USF2: variants seen among roughly 807,000 people sequenced by gnomAD.
USF2 encodes the protein upstream stimulatory factor 2.
In USF2, 16 loss-of-function variants were observed where a neutral mutation model predicts 46.9. The observed-to-expected ratio is 0.34, with a 90% confidence interval of 0.23 to 0.52. The LOEUF (loss-of-function observed/expected upper bound fraction) is 0.52, where lower values mean the gene tolerates loss of function less well. Ranked by LOEUF, USF2 falls within the 20% of genes least tolerant of loss-of-function variation. The pLI is 0.96. For synonymous variants in USF2, 239 were observed against 194.1 expected (o/e 1.23, Z -1.92); for missense variants, 411 against 474.0 (o/e 0.87, Z 1.23).
Position 35,269,101 on chromosome 19 carries a change from C to A in USF2, c.-1C>A, listed in dbSNP as rs1294399943. On this transcript the variant is annotated 5_prime_UTR_variant, in exon 1 of 10. Coordinates refer to ENST00000222305, the MANE Select transcript of USF2 (RefSeq NM_003367.4). ...GCGCCCCCCCCGCCCCCGCCCCCCC[C>A]ATGGACATGCTGGACCCGGGTCTGG... The A allele has an allele frequency of 2.6e-5, 4 of 153,820 alleles. No homozygotes were observed. Among genetic ancestry groups the A allele is most frequent in the Non-Finnish European group, 5.1e-5 (4 of 78,486 alleles). The allele number at this position is 153,820 out of a possible 1,614,324, so 9.5% of individuals were successfully genotyped here. A position where few individuals can be genotyped will look rare whatever the true frequency, so the allele number is the denominator to read the frequency against.
chr19:35,270,090 C>A, intron 4 of USF2, 87 bp downstream of exon 4: 1 of 1,308,118 alleles, frequency 7.6e-7, no homozygotes, highest in Non-Finnish European at 9.8e-7. Context: ...GGGGGTGGGG[C>A]AGGTGTCGCC....
chr19:35,272,181 C>T (rs1286840010), intron 7 of USF2, among the ~76,000 whole-genome samples: 2 of 152,122 alleles, frequency 1.3e-5, no homozygotes, highest in African/African-American at 4.8e-5. Flanking sequence ...CTTTTGCGTC[C>T]TCAGATATGG....
rs532614236 is a variant in USF2, at chr19:35,279,480, G to C, written c.*224G>C. ...CTCCCTGCCCATCCGTCTGTCTGTCGCCCTTCTCCCGGCCCTCACTAAGCC... is the reference window on the plus strand; with the variant it reads ...CTCCCTGCCCATCCGTCTGTCTGTCCCCCTTCTCCCGGCCCTCACTAAGCC... On this transcript the variant is annotated 3_prime_UTR_variant, in exon 10 of 10. Transcript: ENST00000222305. 1 of 531,208 alleles carries C rather than the reference G, an allele frequency of 1.9e-6. No homozygotes were observed. The highest frequency in any genetic ancestry group is 2.0e-5 in the African/African-American group (1 of 50,180). The allele number at this position is 531,208 out of a possible 1,614,324, so 32.9% of individuals were successfully genotyped here. A position where few individuals can be genotyped will look rare whatever the true frequency, so the allele number is the denominator to read the frequency against.
chr19:35,274,002 A>G (rs1225741590), intron 7 of USF2, among the ~76,000 whole-genome samples: 1 of 152,156 alleles, frequency 6.6e-6, no homozygotes, highest in African/African-American at 2.4e-5. Flanking sequence ...GTGACTCACA[A>G]AAAGTTGAGG....
Position 35,270,442 on chromosome 19 carries a change from C to T in USF2, c.430-5C>T, listed in dbSNP as rs746682755. 1.2e-6 allele frequency: 2 copies of T among 1,611,396 alleles called. No homozygotes were observed. The highest frequency in any genetic ancestry group is 1.7e-6 in the Non-Finnish European group (2 of 1,178,956). ...AAGGGTAGCCTCTGCCCTCCTACTCCCCAGGCTGTGATCCAAAATCCCTTC... is the reference window on the plus strand; with the variant it reads ...AAGGGTAGCCTCTGCCCTCCTACTCTCCAGGCTGTGATCCAAAATCCCTTC... On this transcript the variant is annotated splice_region_variant and splice_polypyrimidine_tract_variant and intron_variant, in intron 4 of 9. Transcript: ENST00000222305.
chr19:35,272,227 C>T (rs2066167477), intron 7 of USF2, among the ~76,000 whole-genome samples: 1 of 152,172 alleles, frequency 6.6e-6, no homozygotes, highest in African/African-American at 2.4e-5. Flanking sequence ...AAGGTCTCAG[C>T]TCTCTGTGCG....
chr19:35,278,475 A>C (rs77320927), intron 7 of USF2: 8,665 of 515,718 alleles, frequency 0.017, 270 homozygotes, highest in East Asian at 0.097. Context: ...CCCGTCCTAA[A>C]AGCATGTGTG....
In USF2 at chr19:35,279,473, GTC is replaced by G; in HGVS notation, c.*219_*220del. On this transcript the variant is annotated 3_prime_UTR_variant, in exon 10 of 10. Coordinates refer to ENST00000222305, the MANE Select transcript of USF2 (RefSeq NM_003367.4). Reference sequence around the variant, plus strand: ...CGGTATCCTCCCTGCCCATCCGTCTGTCTGTCGCCCTTCTCCCGGCCCTCACT... The same window carrying G: ...CGGTATCCTCCCTGCCCATCCGTCTGTGTCGCCCTTCTCCCGGCCCTCACT... The G allele has an allele frequency of 1.8e-6, 1 of 543,770 alleles. No homozygotes were observed. Among genetic ancestry groups the G allele is most frequent in the East Asian group, 3.4e-5 (1 of 29,622 alleles). The allele number at this position is 543,770 out of a possible 1,614,324, so 33.7% of individuals were successfully genotyped here.
At chr19:35,271,167 C>T (rs1394368985) in intron 7 of USF2, 26 bp downstream of exon 7, 9 of 1,613,434 alleles carry the variant, frequency 5.6e-6, no homozygotes, top group East Asian at 2.2e-5. Flanking sequence ...GGCTCCGGGT[C>T]CCCCTGACCA....
chr19:35,278,887 TG>T (rs747275744), intron 8 of USF2, 58 bp from the exon 9 acceptor site: 1 of 1,592,132 alleles, frequency 6.3e-7, no homozygotes, highest in African/African-American at 1.3e-5. Flanking sequence ...GAGTCATCCC[TG>T]GGGTGGAGGC....
At chr19:35,269,733 C>T (rs1039411841) in intron 3 of USF2, 34 bp downstream of exon 3, 2 of 899,124 alleles carry the variant, frequency 2.2e-6, no homozygotes, top group South Asian at 5.5e-5. Flanking sequence ...AACGGGCGGG[C>T]GGGCGGGCGC....
chr19:35,269,998 C>T lies in USF2; in HGVS notation c.424C>T (p.Pro142Ser). ...SVPPGPAAPFPLAVIQNPFSN... is the reference protein window; with the variant it reads ...SVPPGPAAPFSLAVIQNPFSN... Reference sequence around the variant, plus strand: ...GCCCCCAGGTCCTGCAGCGCCCTTCCCGCTGGTAGGTGCCCTGCCACCCCT... The same window carrying T: ...GCCCCCAGGTCCTGCAGCGCCCTTCTCGCTGGTAGGTGCCCTGCCACCCCT... The change falls in exon 4 of 10, where the codon CCG becomes TCG. Residue 142 changes from proline (P) to serine (S), a missense_variant. Transcript: ENST00000222305. 1 of 1,340,936 alleles carries T rather than the reference C, an allele frequency of 7.5e-7. No homozygotes were observed. Among genetic ancestry groups the T allele is most frequent in the Non-Finnish European group, 9.5e-7 (1 of 1,052,754 alleles). The allele number at this position is 1,340,936 out of a possible 1,614,324, so 83.1% of individuals were successfully genotyped here. A position where few individuals can be genotyped will look rare whatever the true frequency, so the allele number is the denominator to read the frequency against.
rs377120409 is a variant in USF2, at chr19:35,270,558, G to A, written c.541G>A (p.Val181Met). The A allele has an allele frequency of 5.0e-6, 8 of 1,614,056 alleles. No homozygotes were observed. In the Admixed American group the frequency reaches 5.0e-5, roughly 10 times the overall value. The change falls in exon 5 of 10, where the codon GTG becomes ATG. Residue 181 changes from valine (V) to methionine (M), a missense_variant. Around this residue, in one of 2 missense-constraint regions of USF2, gnomAD observed 318 missense variants for 322.4 expected, o/e 0.99. Coordinates refer to ENST00000222305, the MANE Select transcript of USF2 (RefSeq NM_003367.4). ...PASSVGDTTA[V>M]SVQTTDQSLQ... ...GTCCAGTGTGGGAGATACTACGGCT[G>A]TGTCCGTACAGACCACAGACCAGAG... is the stretch of plus-strand genomic sequence containing the variant.
chr19:35,273,265 C>T (rs1212698778), intron 7 of USF2, among the ~76,000 whole-genome samples: 2 of 152,184 alleles, frequency 1.3e-5, no homozygotes, highest in East Asian at 1.9e-4. Context: ...GCTCCACTTC[C>T]GGTCACCCGT....
rs1048382297 is a variant in USF2, at chr19:35,279,305, C to T, written c.*49C>T. On this transcript the variant is annotated 3_prime_UTR_variant, in exon 10 of 10. Coordinates refer to ENST00000222305, the MANE Select transcript of USF2 (RefSeq NM_003367.4). ...CCGCCGCCCACGCCGGCCTCTGCTG[C>T]CCCCTTCCCCAGCCCTTAGCACAGA... 1.4e-6 allele frequency: 2 copies of T among 1,451,606 alleles called. No homozygotes were observed. The highest frequency in any genetic ancestry group is 1.4e-5 in the African/African-American group (1 of 70,066). The allele number at this position is 1,451,606 out of a possible 1,614,324, so 89.9% of individuals were successfully genotyped here. A position where few individuals can be genotyped will look rare whatever the true frequency, so the allele number is the denominator to read the frequency against.
intron 6 of USF2, 93 bp from the exon 7 acceptor site, chr19:35,270,990 G>T (rs572295591): frequency 6.5e-7 from 1 of 1,543,674 alleles, no homozygotes; most frequent in African/African-American, 1.4e-5. Flanking sequence ...GATTTACCTT[G>T]CAAAGATAAT....
At chr19:35,276,707 C>T (rs530587311) in intron 7 of USF2, among the ~76,000 whole-genome samples, 14 of 152,330 alleles carry the variant, frequency 9.2e-5, no homozygotes, top group African/African-American at 1.7e-4. Context: ...GAAACCAGCC[C>T]GAATGTTTCC....
At chr19:35,270,062 C>T (rs1274651866) in intron 4 of USF2, 59 bp downstream of exon 4, 1 of 1,348,684 alleles carries the variant, frequency 7.4e-7, no homozygotes, top group South Asian at 1.9e-5. Flanking sequence ...GACACTGGCT[C>T]TGCTCTTGGG....
In USF2 at chr19:35,279,083, G is replaced by A. The variant is rs774894918; in HGVS notation, c.951+9G>A. On this transcript the variant is annotated intron_variant, in intron 9 of 9. Transcript: ENST00000222305. ...AGCTCCTGAGGCAGCAGGTGGGTGC[G>A]GGGCCTGGAGCGGGTCAGGGCCCAG... is the stretch of plus-strand genomic sequence containing the variant. The A allele has an allele frequency of 7.4e-6, 12 of 1,611,380 alleles. 1 individual carries two copies. The South Asian group carries it at 7.7e-5, about 10-fold the overall frequency.
Sources: allele counts gnomAD v4.1 joint callset (sites outside exome capture counted in the v4.1 genomes callset), GRCh38; gene constraint gnomAD v4.1.1; regional missense constraint gnomAD v4.1.1; transcripts MANE v1.5; gene names NCBI Gene and HGNC (gene_info 2026-07-23, HGNC 2026-07-21).